Variants in PCDHGA8 observed in about 807,000 individuals in gnomAD.
PCDHGA8 encodes the protein protocadherin gamma subfamily A, 8.
A neutral mutation model predicts 59.2 loss-of-function variants in PCDHGA8; 45 were observed. The ratio of observed to expected loss-of-function variants is 0.76; its 90% confidence interval spans 0.60 to 0.98. The LOEUF (loss-of-function observed/expected upper bound fraction) is 0.98. Ranked by LOEUF, PCDHGA8 falls within the 50% of genes least tolerant of loss-of-function variation. The pLI, the probability that PCDHGA8 is intolerant of heterozygous loss-of-function variation, is 0.00. For synonymous variants in PCDHGA8, 531 were observed against 519.0 expected, an observed-to-expected ratio of 1.02 and a Z score of -0.32; for missense variants, 1,257 against 1,196.2, an observed-to-expected ratio of 1.05 and a Z score of -0.75.
chr5:141,446,634 G>A (rs927873152), intron 1 of PCDHGA8, among the ~76,000 whole-genome samples: 6 of 151,928 alleles, frequency 3.9e-5, no homozygotes, highest in Admixed American at 2.6e-4. Context: ...GCACCACCAC[G>A]CCTGGCTAAT....
At chr5:141,399,318 G>A (rs772027563) in intron 1 of PCDHGA8, 19 of 1,613,830 alleles carry the variant, frequency 1.2e-5, no homozygotes, top group East Asian at 4.5e-5. Context: ...CCAAAAATTC[G>A]TATAAGTTGG....
intron 1 of PCDHGA8, chr5:141,441,550 G>C (rs2098254247): frequency 5.4e-6 from 1 of 184,034 alleles, no homozygotes; most frequent in Non-Finnish European, 1.1e-5. Context: ...AGCCTCCATA[G>C]TGTGCAAGTA....
intron 1 of PCDHGA8, among the ~76,000 whole-genome samples, chr5:141,460,454 T>C (rs1010186960): frequency 6.6e-6 from 1 of 152,194 alleles, no homozygotes; most frequent in Admixed American, 6.6e-5. Context: ...TGAAGATTCA[T>C]ATTTTTTTCC....
In PCDHGA8 at chr5:141,505,414, C is replaced by T. The variant is rs373956550; in HGVS notation, c.2505C>T (p.Thr835=). The T allele has an allele frequency of 3.0e-5, 48 of 1,614,046 alleles. No homozygotes were observed. In the African/African-American group the frequency reaches 3.1e-4, roughly 10 times the overall value. The change falls in exon 3 of 4, where the codon ACC becomes ACT. Residue 835 remains threonine (T), a synonymous_variant. Transcript: ENST00000398604. ...CCAGCTCCCAAAATGGCGATGACACCGGCACCTGGCCCAACAACCAGTTTG... is the reference window on the plus strand; with the variant it reads ...CCAGCTCCCAAAATGGCGATGACACTGGCACCTGGCCCAACAACCAGTTTG... ...GTSGSQNGDD[T]GTWPNNQFDT...
intron 1 of PCDHGA8, chr5:141,478,393 G>A (rs2099452978): frequency 6.2e-7 from 1 of 1,613,488 alleles, no homozygotes; most frequent in South Asian, 1.1e-5. Flanking sequence ...TTTACCATCA[G>A]GTGTATCTCA....
chr5:141,409,293 T>G, intron 1 of PCDHGA8: 1 of 1,613,992 alleles, frequency 6.2e-7, no homozygotes, highest in Non-Finnish European at 8.5e-7. Flanking sequence ...CCTCCAGGAA[T>G]GGTTGTTGCC....
At chr5:141,404,888 G>A (rs778498828) in intron 1 of PCDHGA8, 9 of 1,613,762 alleles carry the variant, frequency 5.6e-6, no homozygotes, top group East Asian at 2.2e-5. Context: ...TGTGGTGGCT[G>A]TACAGGACCA....
rs145288114 is a variant in PCDHGA8 at position 141,477,334 on chromosome 5, C to T, written c.2425-17473C>T. On this transcript the variant is annotated intron_variant, in intron 1 of 3. Coordinates refer to ENST00000398604, the MANE Select transcript of PCDHGA8 (RefSeq NM_032088.2). This position sits in a 1 kb window ranked among gnomAD's most constrained non-coding sequence, Gnocchi z 4.9. ...GCCTTACTTCTTCCCTCAAGAATTA[C>T]TTCACTTTGAAAACCAGTGCAGACC... is the stretch of plus-strand genomic sequence containing the variant. 1.3e-4 allele frequency: 215 copies of T among 1,614,074 alleles called. No homozygotes were observed. Among genetic ancestry groups the T allele is most frequent in the Non-Finnish European group, 1.8e-4 (210 of 1,180,044 alleles).
chr5:141,495,735 T>C (rs1595351919), intron 2 of PCDHGA8, among the ~76,000 whole-genome samples: 1 of 152,044 alleles, frequency 6.6e-6, no homozygotes, highest in Admixed American at 6.5e-5. Context: ...CCTTAGTCTC[T>C]TTCTCCTTCT....
chr5:141,429,169 T>TACGC (rs2097190400), intron 1 of PCDHGA8: 1 of 145,394 alleles, frequency 6.9e-6, no homozygotes, highest in Non-Finnish European at 1.5e-5. Flanking sequence ...ACATTGTTTA[T>TACGC]ACACACACAC....
At chr5:141,448,850 C>A (rs1227646790) in intron 1 of PCDHGA8, among the ~76,000 whole-genome samples, 1 of 152,048 alleles carries the variant, frequency 6.6e-6, no homozygotes, top group Non-Finnish European at 1.5e-5. Context: ...GAGGCTGAGG[C>A]AGGAGAATGG....
chr5:141,417,713 C>G, intron 1 of PCDHGA8: 1 of 1,271,750 alleles, frequency 7.9e-7, no homozygotes, highest in Non-Finnish European at 1.1e-6. Flanking sequence ...CAGAGGCTCC[C>G]GGCTGCGCAG....
chr5:141,423,434 T>C, intron 1 of PCDHGA8: 1 of 1,614,036 alleles, frequency 6.2e-7, no homozygotes, highest in Non-Finnish European at 8.5e-7. Flanking sequence ...TTGGCAGGTA[T>C]GCCCACGTCA....
Position 141,468,837 on chromosome 5 carries a change from G to A in PCDHGA8, c.2425-25970G>A, listed in dbSNP as rs550455857. ...GCCAAGATCAAGCCACTGCACTCCA[G>A]CCTGGGCAACAGAGCGAGACTCCAT... On this transcript the variant is annotated intron_variant, in intron 1 of 3. Transcript: ENST00000398604. 3.3e-5 allele frequency among the ~76,000 whole-genome samples: 5 copies of A among 152,228 alleles called. No homozygotes were observed. The East Asian group carries it at 9.7e-4, about 29-fold the overall frequency.
chr5:141,400,145 A>T (rs543908773), intron 1 of PCDHGA8: 6 of 1,613,314 alleles, frequency 3.7e-6, no homozygotes, highest in Non-Finnish European at 4.2e-6. Flanking sequence ...GATATCACTG[A>T]CCGCCCTGTA....
intron 1 of PCDHGA8, chr5:141,428,232 G>C (rs546567556): frequency 9.3e-7 from 1 of 1,071,494 alleles, no homozygotes; most frequent in African/African-American, 1.5e-5. Context: ...CAGACAGCCT[G>C]CAGGAGGCAC....
Position 141,393,263 on chromosome 5 carries a change from A to G in PCDHGA8, c.450A>G (p.Ala150=). 2 of 1,613,926 alleles carry G rather than the reference A, an allele frequency of 1.2e-6. No individual in the cohort carries two copies. Among genetic ancestry groups the G allele is most frequent in the Non-Finnish European group, 1.7e-6 (2 of 1,179,904 alleles). ...VKINEIAVPG[A]RYPLPEAVDP... is the part of the protein sequence containing the mutation. ...TTAACGAAATCGCGGTTCCTGGAGC[A>G]CGTTATCCACTCCCAGAAGCTGTTG... The change falls in exon 1 of 4, where the codon GCA becomes GCG. Residue 150 remains alanine (A), a synonymous_variant. Transcript: ENST00000398604.
intron 1 of PCDHGA8, chr5:141,414,145 C>T (rs1157390595): frequency 6.3e-7 from 1 of 1,597,566 alleles, no homozygotes; most frequent in Non-Finnish European, 8.5e-7. Context: ...AATAGAAATA[C>T]AAGCAGAAGA....
Position 141,423,884 on chromosome 5 carries a change from T to C in PCDHGA8, c.2424+28647T>C, listed in dbSNP as rs1253750785. On this transcript the variant is annotated intron_variant, in intron 1 of 3. Transcript: ENST00000398604. ...TGAAAGTCATTTTTCAATCTTGGCA[T>C]ATTTTCTTTTGATTTCAAAGGGGCC... The C allele has an allele frequency of 6.2e-6, 8 of 1,282,566 alleles. No individual in the cohort carries two copies. In the African/African-American group the frequency reaches 1.2e-4, roughly 20 times the overall value. 79.4% of individuals were successfully genotyped at this position (1,282,566 alleles called of 1,614,324 possible). A position where few individuals can be genotyped will look rare whatever the true frequency, so the allele number is the denominator to read the frequency against.
Sources: gnomAD v4.1 joint callset for allele counts (sites outside exome capture counted in the v4.1 genomes callset) on GRCh38, gnomAD v4.1.1 for gene constraint, Gnocchi (gnomAD v3.1) non-coding constraint, MANE v1.5 for transcripts, NCBI Gene and HGNC (gene_info 2026-07-23, HGNC 2026-07-21) for gene names.